Variants in TMEM39B observed in about 807,000 individuals in gnomAD.
TMEM39B encodes transmembrane protein 39B.
A neutral mutation model predicts 52.2 loss-of-function variants in TMEM39B; 23 were observed. That is an observed-to-expected ratio of 0.44 (90% CI 0.32 to 0.62). TMEM39B has a LOEUF of 0.62. TMEM39B is among the 20% of genes least tolerant of loss of function. The probability of loss-of-function intolerance (pLI) is 0.06; values close to 1 mark genes in which losing one functional copy is unlikely to be tolerated. For missense variants in TMEM39B, 547 were observed against 642.0 expected (o/e 0.85, Z 1.60); for synonymous variants, 285 against 264.0 (o/e 1.08, Z -0.77).
chr1:32,077,053 C>A, intron 4 of TMEM39B, 111 bp from the exon 5 acceptor site: 1 of 1,475,504 alleles, frequency 6.8e-7, no homozygotes, highest in South Asian at 1.2e-5. Flanking sequence ...GCCCAGCCTG[C>A]TGTGCCACCT....
intron 5 of TMEM39B, among the ~76,000 whole-genome samples, chr1:32,079,627 C>T (rs180696109): frequency 7.9e-5 from 12 of 151,920 alleles, no homozygotes; most frequent in African/African-American, 1.2e-4. Flanking sequence ...TAGAATTCCT[C>T]GGCTCAAGCA....
intron 5 of TMEM39B, among the ~76,000 whole-genome samples, chr1:32,077,568 A>G (rs1017526073): frequency 6.6e-6 from 1 of 152,188 alleles, no homozygotes; most frequent in African/African-American, 2.4e-5. Context: ...AGATCTGCAT[A>G]TATATCCCAA....
Position 32,091,892 on chromosome 1 carries a change from C to G in TMEM39B, c.808C>G (p.Leu270Val). ...PTHACCLSPS[L>V]IRSEVEFLKM... ...CCATGCCTGCTGCCTGTCACCCAGC[C>G]TCATCCGCAGTGAGGTGGAGTTCCT... The change falls in exon 6 of 9, where the codon CTC (leucine) becomes GTC (valine). Residue 270 changes from leucine (L) to valine (V), a missense_variant. Leu to Val is a conservative substitution (Grantham distance 32). Coordinates refer to ENST00000336294, the MANE Select transcript of TMEM39B (RefSeq NM_018056.4). 1 of 1,614,228 alleles carries G rather than the reference C, an allele frequency of 6.2e-7. No individual in the cohort carries two copies. The highest frequency in any genetic ancestry group is 2.2e-5 in the East Asian group (1 of 44,888).
At chr1:32,083,291 C>T (rs1640191693) in intron 5 of TMEM39B, among the ~76,000 whole-genome samples, 1 of 150,236 alleles carries the variant, frequency 6.7e-6, no homozygotes, top group Non-Finnish European at 1.5e-5. Flanking sequence ...CCATGTTGGT[C>T]AGGCTGGTCT....
At position 32,073,025 on chromosome 1, in the gene TMEM39B, G is replaced by T; in HGVS notation, c.-23G>T. On this transcript the variant is annotated 5_prime_UTR_variant, in exon 1 of 9. Coordinates refer to ENST00000336294, the MANE Select transcript of TMEM39B (RefSeq NM_018056.4). ...TGCCCGCAGGAGCTGCGGCGGCGAA[G>T]CGGAGAGCACCGGGGGGAGGAGATG... 6.5e-7 allele frequency: 1 copy of T among 1,530,654 alleles called. No individual in the cohort carries two copies. Among genetic ancestry groups the T allele is most frequent in the East Asian group, 2.6e-5 (1 of 38,430 alleles). 94.8% of individuals were successfully genotyped at this position (1,530,654 alleles called of 1,614,324 possible). A position where few individuals can be genotyped will look rare whatever the true frequency, so the allele number is the denominator to read the frequency against.
rs1641067043 is a variant in TMEM39B, at chr1:32,102,733, G to A, written c.*60G>A. 2 of 1,420,336 alleles carry A rather than the reference G, an allele frequency of 1.4e-6. No homozygotes were observed. The highest frequency in any genetic ancestry group is 9.3e-7 in the Non-Finnish European group (1 of 1,080,606). 88.0% of individuals were successfully genotyped at this position (1,420,336 alleles called of 1,614,324 possible). A position where few individuals can be genotyped will look rare whatever the true frequency, so the allele number is the denominator to read the frequency against. On this transcript the variant is annotated 3_prime_UTR_variant, in exon 9 of 9. Transcript: ENST00000336294. Reference sequence around the variant, plus strand: ...TCAGCCAAGGGCTCCCTGGCAAGGGGCTGTTGGGTAGAAGTGGTGGTGGGG... The same window carrying A: ...TCAGCCAAGGGCTCCCTGGCAAGGGACTGTTGGGTAGAAGTGGTGGTGGGG...
intron 7 of TMEM39B, among the ~76,000 whole-genome samples, chr1:32,100,009 T>C (rs977900514): frequency 2.0e-5 from 3 of 151,864 alleles, no homozygotes; most frequent in African/African-American, 7.3e-5. Flanking sequence ...ATTGTGCCAC[T>C]GCACTCCAGT....
Position 32,072,967 on chromosome 1 carries a change from G to A in TMEM39B, c.-81G>A. 6.6e-7 allele frequency: 1 copy of A among 1,520,108 alleles called. No homozygotes were observed. 94.2% of individuals were successfully genotyped at this position (1,520,108 alleles called of 1,614,324 possible). On this transcript the variant is annotated 5_prime_UTR_variant, in exon 1 of 9. Coordinates refer to ENST00000336294, the MANE Select transcript of TMEM39B (RefSeq NM_018056.4). ...ACCCGGGACTGGGCTGCGGCGGTTA[G>A]TCCTCTCCCGGCCGCCGTCGCCTCC... is the stretch of plus-strand genomic sequence containing the variant.
In TMEM39B at chr1:32,086,260, C is replaced by G. The variant is rs373720004; in HGVS notation, c.591-5415C>G. On this transcript the variant is annotated intron_variant, in intron 5 of 8. Transcript: ENST00000336294. ...CCCACTTCATCTTCTATCATATGTG[C>G]CCACTTCAAGGCAGAGTCTCTCTTG... Among the ~76,000 whole-genome samples the G allele has an allele frequency of 8.5e-5, 13 of 152,196 alleles. No individual in the cohort carries two copies. In the South Asian group the frequency reaches 2.7e-3, roughly 32 times the overall value.
At chr1:32,082,661 T>G (rs1640155190) in intron 5 of TMEM39B, among the ~76,000 whole-genome samples, 1 of 151,562 alleles carries the variant, frequency 6.6e-6, no homozygotes. Context: ...TCGCCATGTT[T>G]GCCAGGCTGG....
chr1:32,096,406 AG>A (rs1640807920), intron 7 of TMEM39B, among the ~76,000 whole-genome samples: 1 of 149,580 alleles, frequency 6.7e-6, no homozygotes, highest in Non-Finnish European at 1.5e-5. Context: ...AAGTTCACAA[AG>A]GTCAGGGCCC....
chr1:32,100,320 G>A, intron 7 of TMEM39B, 122 bp from the exon 8 acceptor site: 1 of 1,147,518 alleles, frequency 8.7e-7, no homozygotes, highest in Admixed American at 3.3e-5. Context: ...GAAAAGGAAA[G>A]TCAGCGTGTC....
intron 5 of TMEM39B, among the ~76,000 whole-genome samples, chr1:32,081,680 G>A (rs1640106102): frequency 6.6e-6 from 1 of 150,830 alleles, no homozygotes; most frequent in South Asian, 2.1e-4. Context: ...ACTGGGAGGT[G>A]GAGGTTGCAG....
intron 5 of TMEM39B, among the ~76,000 whole-genome samples, chr1:32,079,802 C>G (rs923443882): frequency 6.6e-6 from 1 of 150,540 alleles, no homozygotes; most frequent in African/African-American, 2.4e-5. Context: ...TGGAGTCTTG[C>G]TCTGTTGCCC....
intron 5 of TMEM39B, among the ~76,000 whole-genome samples, chr1:32,079,061 ATTATT>A (rs1167393011): frequency 1.3e-5 from 2 of 151,334 alleles, no homozygotes; most frequent in South Asian, 2.1e-4. Context: ...GGTCTGTCTC[ATTATT>A]TTATTTTATT....
chr1:32,095,449 G>A (rs1557439601), intron 7 of TMEM39B, among the ~76,000 whole-genome samples: 1 of 152,190 alleles, frequency 6.6e-6, no homozygotes, highest in South Asian at 2.1e-4. Context: ...GCCAAGGTGT[G>A]CTTTAGAGTC....
intron 7 of TMEM39B, among the ~76,000 whole-genome samples, chr1:32,098,029 T>C (rs1216428228): frequency 6.6e-6 from 1 of 151,152 alleles, no homozygotes; most frequent in Non-Finnish European, 1.5e-5. Context: ...GGGGTTTCGC[T>C]CTTGTTGCCC....
chr1:32,089,473 T>C (rs887666116), intron 5 of TMEM39B, among the ~76,000 whole-genome samples: 2 of 151,816 alleles, frequency 1.3e-5, no homozygotes, highest in African/African-American at 2.4e-5. Flanking sequence ...ACCCTAAAGG[T>C]TGTGCTCTTG....
In TMEM39B at chr1:32,083,986, G is replaced by GACACACACACACACAC. The variant is rs779224876; in HGVS notation, c.590+6675_590+6676insCACACACACACACACA. 2.1e-3 allele frequency among the ~76,000 whole-genome samples: 321 copies of GACACACACACACACAC among 151,524 alleles called. 3 individuals are homozygous for GACACACACACACACAC. The highest frequency in any genetic ancestry group is 6.6e-3 in the African/African-American group (272 of 41,084). On this transcript the variant is annotated intron_variant, in intron 5 of 8. Transcript: ENST00000336294. Reference sequence around the variant, plus strand: ...GGCAATAGAGCAAGACCCTGTTTCAGACACACAGACACACACACACACACA... The same window carrying GACACACACACACACAC: ...GGCAATAGAGCAAGACCCTGTTTCAGACACACACACACACACACACACAGACACACACACACACACA...
Sources: gnomAD v4.1 joint callset for allele counts (sites outside exome capture counted in the v4.1 genomes callset) on GRCh38, gnomAD v4.1.1 for gene constraint, MANE v1.5 for transcripts, NCBI Gene and HGNC (gene_info 2026-07-23, HGNC 2026-07-21) for gene names.